The following TAF5L variants were observed in gnomAD, a reference collection of about 807,000 sequenced individuals.
TAF5L encodes the protein TATA-box binding protein associated factor 5 like, also known as TAF5-like RNA polymerase II p300/CBP-associated factor-associated factor 65 kDa subunit 5L.
A neutral mutation model predicts 51.3 loss-of-function variants in TAF5L; 7 were observed. That is an observed-to-expected ratio of 0.14 (90% CI 0.08 to 0.26). The LOEUF (loss-of-function observed/expected upper bound fraction) is 0.26. Ranked by LOEUF, TAF5L falls within the 10% of genes least tolerant of loss-of-function variation. TAF5L has a pLI of 1.00. For missense variants in TAF5L, 575 were observed against 758.9 expected (o/e 0.76, Z 2.85); for synonymous variants, 291 against 308.1 (o/e 0.94, Z 0.58).
chr1:229,604,124 A>C (rs1237883963), intron 3 of TAF5L, among the ~76,000 whole-genome samples: 1 of 152,100 alleles, frequency 6.6e-6, no homozygotes, highest in African/African-American at 2.4e-5. Context: ...TACATATTTA[A>C]ATAAATTAAA....
chr1:229,606,007 C>G, intron 3 of TAF5L: 1 of 475,962 alleles, frequency 2.1e-6, no homozygotes, highest in Non-Finnish European at 2.7e-6. Flanking sequence ...TTTTCAATTC[C>G]TTAGAAACAA....
At chr1:229,617,187 C>T (rs989630858) in intron 1 of TAF5L, among the ~76,000 whole-genome samples, 56 of 152,246 alleles carry the variant, frequency 3.7e-4, no homozygotes, top group Admixed American at 2.2e-3. Flanking sequence ...ATCAGTGATC[C>T]TCCAACCTGG....
intron 1 of TAF5L, among the ~76,000 whole-genome samples, chr1:229,615,119 G>A (rs556035592): frequency 5.9e-4 from 89 of 151,924 alleles, no homozygotes; most frequent in Non-Finnish European, 3.7e-4. Flanking sequence ...ACAGAGTCTC[G>A]CTCTGTCGCC....
intron 4 of TAF5L, chr1:229,600,588 C>T: frequency 1.0e-6 from 1 of 985,474 alleles, no homozygotes; most frequent in South Asian, 4.7e-5. Flanking sequence ...CCTAGTTTGG[C>T]CGCCATAATT....
At chr1:229,599,277 T>TG (rs1370860878) in intron 4 of TAF5L, 1 of 834,092 alleles carries the variant, frequency 1.2e-6, no homozygotes, top group African/African-American at 1.9e-5. Flanking sequence ...GTTATCCTGT[T>TG]TTTTTTTTTA....
intron 1 of TAF5L, among the ~76,000 whole-genome samples, chr1:229,622,010 T>TTCA (rs1045523664): frequency 9.4e-5 from 14 of 149,314 alleles, no homozygotes; most frequent in African/African-American, 3.2e-4. Context: ...CTTCTTTTCA[T>TTCA]TCATCATCAT....
intron 1 of TAF5L, among the ~76,000 whole-genome samples, chr1:229,622,872 G>A (rs1665266834): frequency 2.6e-5 from 4 of 152,172 alleles, no homozygotes; most frequent in African/African-American, 9.7e-5. Context: ...AAAGTGCTGG[G>A]ATTATCGGCA....
At position 229,615,189 on chromosome 1, in the gene TAF5L, G is replaced by A. The variant is rs902076682; in HGVS notation, c.-3-704C>T. On this transcript the variant is annotated intron_variant, in intron 1 of 4. Coordinates refer to ENST00000258281, the Ensembl canonical transcript of TAF5L. ...TGCAAGCTCTGCCTCCTGGGTTCAC[G>A]CCATTCTCCTGTCTCAGCCTCCCAA... 5.9e-5 allele frequency among the ~76,000 whole-genome samples: 9 copies of A among 152,208 alleles called. No homozygotes were observed. In the East Asian group the frequency reaches 9.7e-4, roughly 16 times the overall value.
chr1:229,603,895 C>A (rs1347620857), intron 3 of TAF5L, among the ~76,000 whole-genome samples: 4 of 152,212 alleles, frequency 2.6e-5, no homozygotes, highest in African/African-American at 9.6e-5. Context: ...AGAAGCCCCC[C>A]AAGGAGCTGA....
chr1:229,614,987 G>A (rs1664927208), intron 1 of TAF5L, among the ~76,000 whole-genome samples: 1 of 152,234 alleles, frequency 6.6e-6, no homozygotes, highest in Non-Finnish European at 1.5e-5. Flanking sequence ...GTTAACAATG[G>A]TGAAGGGGAT....
intron 1 of TAF5L, among the ~76,000 whole-genome samples, chr1:229,624,952 C>A (rs1180962786): frequency 6.6e-6 from 1 of 152,198 alleles, no homozygotes; most frequent in Admixed American, 6.5e-5. Context: ...CTCAGCACAG[C>A]TCCCAACTGC....
chr1:229,624,682 T>C (rs1177028089), intron 1 of TAF5L, among the ~76,000 whole-genome samples: 1 of 152,202 alleles, frequency 6.6e-6, no homozygotes, highest in Non-Finnish European at 1.5e-5. Flanking sequence ...AGAGAGGTTA[T>C]GCAGATGGCT....
chr1:229,618,191 G>C (rs914319248), intron 1 of TAF5L, among the ~76,000 whole-genome samples: 3 of 152,164 alleles, frequency 2.0e-5, no homozygotes, highest in Admixed American at 6.5e-5. Flanking sequence ...TACATGAGAC[G>C]AACAGTGCAG....
intron 1 of TAF5L, among the ~76,000 whole-genome samples, chr1:229,616,044 TTGCTCTG>T (rs1268167103): frequency 2.0e-5 from 3 of 152,200 alleles, no homozygotes; most frequent in Non-Finnish European, 4.4e-5. Context: ...AGACAGTGTC[TTGCTCTG>T]TCACCCAGAC....
At chr1:229,612,890 A>C (rs1664838293) in intron 2 of TAF5L, among the ~76,000 whole-genome samples, 1 of 152,228 alleles carries the variant, frequency 6.6e-6, no homozygotes, top group South Asian at 2.1e-4. Context: ...TGAGCATATA[A>C]GAAAGGGAAC....
intron 1 of TAF5L, among the ~76,000 whole-genome samples, chr1:229,616,731 A>G (rs1665016903): frequency 6.6e-6 from 1 of 152,238 alleles, no homozygotes; most frequent in African/African-American, 2.4e-5. Context: ...CCTACAAGTC[A>G]TACAACAGAG....
At chr1:229,607,879 A>T (rs1664650768) in intron 3 of TAF5L, 1 of 152,224 alleles carries the variant, frequency 6.6e-6, no homozygotes, top group South Asian at 2.1e-4. Context: ...GTCCAAAGTG[A>T]TCAATATATA....
At position 229,603,000 on chromosome 1, in the gene TAF5L, CAT is replaced by C. The variant is rs548384314; in HGVS notation, c.248-83_248-82del. On this transcript the variant is annotated intron_variant, in intron 3 of 4. Coordinates refer to ENST00000258281, the Ensembl canonical transcript of TAF5L. This position sits in a 1 kb window ranked among gnomAD's most constrained non-coding sequence, Gnocchi z 4.6. ...GATCCCTCCTGGGGATCACCACCAT[CAT>C]ATAATGCTTTCTTGCCAGGACCCCA... 8 of 1,478,642 alleles carry C rather than the reference CAT, an allele frequency of 5.4e-6. No individual in the cohort carries two copies. Among genetic ancestry groups the C allele is most frequent in the Non-Finnish European group, 7.1e-6 (8 of 1,124,384 alleles). The allele number at this position is 1,478,642 out of a possible 1,614,324, so 91.6% of individuals were successfully genotyped here.
At chr1:229,617,458 T>C (rs188375324) in intron 1 of TAF5L, among the ~76,000 whole-genome samples, 1 of 152,324 alleles carries the variant, frequency 6.6e-6, no homozygotes, top group African/African-American at 2.4e-5. Flanking sequence ...TTCCCTACTC[T>C]AGCTGAGACT....
Sources: gnomAD v4.1 joint callset for allele counts (sites outside exome capture counted in the v4.1 genomes callset) on GRCh38, gnomAD v4.1.1 for gene constraint, Gnocchi (gnomAD v3.1) non-coding constraint, MANE v1.5 for transcripts, NCBI Gene and HGNC (gene_info 2026-07-23, HGNC 2026-07-21) for gene names.